TFCP2: variants seen among roughly 807,000 people sequenced by gnomAD.
The protein encoded by TFCP2 is transcription factor CP2.
TFCP2 carries 33 observed loss-of-function variants against 73.4 expected under a neutral mutation model. The observed-to-expected ratio is 0.45, with a 90% confidence interval of 0.34 to 0.60. The LOEUF is 0.60. TFCP2 is among the 20% of genes least tolerant of loss of function. The pLI is 0.01. For synonymous variants in TFCP2, 193 were observed against 211.6 expected (o/e 0.91, Z 0.76); for missense variants, 352 against 604.0 (o/e 0.58, Z 4.37).
At chr12:51,109,812 C>A (rs1021846890) in intron 5 of TFCP2, among the ~76,000 whole-genome samples, 1 of 151,628 alleles carries the variant, frequency 6.6e-6, no homozygotes, top group Non-Finnish European at 1.5e-5. Flanking sequence ...TCCACCTCCC[C>A]GGTTCAAGCA....
intron 14 of TFCP2, among the ~76,000 whole-genome samples, chr12:51,095,658 A>G (rs989492627): frequency 1.3e-5 from 2 of 151,902 alleles, no homozygotes; most frequent in African/African-American, 4.8e-5. Flanking sequence ...TACTAAAAAT[A>G]CAAAAATTAG....
rs1200776904 is a variant in TFCP2, at chr12:51,172,554, C to A, written c.-132G>T. ...TTCCCACGCAGTGCCCACCAGCCAC[C>A]CCCAAGCCCGACCAGCACTGCTCTG... On this transcript the variant is annotated 5_prime_UTR_variant, in exon 1 of 15. Coordinates refer to ENST00000257915, the MANE Select transcript of TFCP2 (RefSeq NM_005653.5). 2.2e-5 allele frequency: 27 copies of A among 1,242,692 alleles called. 1 individual carries two copies. In the South Asian group the frequency reaches 3.6e-4, roughly 16 times the overall value. 77.0% of individuals were successfully genotyped at this position (1,242,692 alleles called of 1,614,324 possible).
At chr12:51,167,483 C>A (rs1420541533) in intron 1 of TFCP2, among the ~76,000 whole-genome samples, 2 of 152,098 alleles carry the variant, frequency 1.3e-5, no homozygotes, top group Non-Finnish European at 2.9e-5. Flanking sequence ...ACCTCCGCCT[C>A]CCAGGTTTAA....
At chr12:51,103,471 T>C (rs1440803679) in intron 10 of TFCP2, among the ~76,000 whole-genome samples, 199 bp downstream of exon 10, 2 of 152,112 alleles carry the variant, frequency 1.3e-5, no homozygotes, top group Non-Finnish European at 2.9e-5. Context: ...CTAAAAAGTG[T>C]TTGTTTTTAA....
chr12:51,148,707 A>AAAAAG (rs1941352700), intron 1 of TFCP2, among the ~76,000 whole-genome samples: 1 of 149,312 alleles, frequency 6.7e-6, no homozygotes, highest in South Asian at 2.1e-4. Context: ...CTCAAAAAAA[A>AAAAAG]AAAAAAAAGA....
intron 1 of TFCP2, among the ~76,000 whole-genome samples, chr12:51,148,591 T>A (rs1280430909): frequency 6.6e-6 from 1 of 151,340 alleles, no homozygotes; most frequent in Non-Finnish European, 1.5e-5. Flanking sequence ...TCCAGGCTAC[T>A]TGGGAGGCTG....
intron 14 of TFCP2, 26 bp downstream of exon 14, chr12:51,095,963 G>T: frequency 6.2e-7 from 1 of 1,604,738 alleles, no homozygotes; most frequent in South Asian, 1.1e-5. Flanking sequence ...AAACTGCTTA[G>T]AGAAAGATGT....
chr12:51,122,092 G>T (rs1940690763), intron 1 of TFCP2, among the ~76,000 whole-genome samples: 1 of 151,696 alleles, frequency 6.6e-6, no homozygotes, highest in Non-Finnish European at 1.5e-5. Flanking sequence ...TTCACACACA[G>T]GTATAATACA....
At chr12:51,163,766 T>G (rs562134976) in intron 1 of TFCP2, among the ~76,000 whole-genome samples, 1 of 144,782 alleles carries the variant, frequency 6.9e-6, no homozygotes, top group East Asian at 2.1e-4. Flanking sequence ...CTACAAAAAA[T>G]AAAAATAAAA....
At chr12:51,129,836 G>GA (rs112522984) in intron 1 of TFCP2, among the ~76,000 whole-genome samples, 132,471 of 149,252 alleles carry the variant, frequency 0.89, 59,139 homozygotes, top group Non-Finnish European at 0.95. Flanking sequence ...TAAAACTGGG[G>GA]GAAAAAAAAA....
intron 4 of TFCP2, 33 bp from the exon 5 acceptor site, chr12:51,111,016 T>C (rs7978782): frequency 0.99 from 1,481,914 of 1,497,942 alleles, 734,331 homozygotes; most frequent in East Asian, 1. Flanking sequence ...TTGAACAATT[T>C]TGAGGGCCAC....
intron 1 of TFCP2, among the ~76,000 whole-genome samples, chr12:51,128,044 T>G (rs375365545): frequency 6.6e-6 from 1 of 151,944 alleles, no homozygotes; most frequent in East Asian, 1.9e-4. Context: ...CTCAGCCTCC[T>G]GAGTAGCTGG....
chr12:51,147,081 G>A (rs536559267), intron 1 of TFCP2, among the ~76,000 whole-genome samples: 35 of 152,304 alleles, frequency 2.3e-4, no homozygotes, highest in African/African-American at 7.5e-4. Flanking sequence ...AGTGGCTCAC[G>A]CCTGTAATCC....
intron 1 of TFCP2, 84 bp downstream of exon 1, chr12:51,172,217 C>A (rs753569006): frequency 3.2e-6 from 5 of 1,564,792 alleles, no homozygotes; most frequent in Middle Eastern, 1.7e-4. Context: ...ACTCTATACA[C>A]CTCCTTCCCA....
At chr12:51,124,889 A>G (rs750654751) in intron 1 of TFCP2, 27 of 1,103,948 alleles carry the variant, frequency 2.4e-5, no homozygotes, top group Non-Finnish European at 3.4e-5. Context: ...ACTCCTTTCC[A>G]AAGGTCAGAT....
At chr12:51,124,905 A>T in intron 1 of TFCP2, 1 of 950,462 alleles carries the variant, frequency 1.1e-6, no homozygotes, top group Middle Eastern at 2.2e-4. Flanking sequence ...CAGATATGTC[A>T]AGGACACGTC....
intron 1 of TFCP2, among the ~76,000 whole-genome samples, chr12:51,136,610 G>A (rs1038665189): frequency 6.6e-6 from 1 of 150,628 alleles, no homozygotes; most frequent in Non-Finnish European, 1.5e-5. Context: ...TTTCAAAGCA[G>A]GAACATGGAA....
At chr12:51,122,959 C>T (rs1184320644) in intron 1 of TFCP2, among the ~76,000 whole-genome samples, 1 of 152,140 alleles carries the variant, frequency 6.6e-6, no homozygotes, top group African/African-American at 2.4e-5. Context: ...TAAAGATTAC[C>T]AGATTTCAAG....
chr12:51,169,065 G>A lies in TFCP2; in HGVS notation c.122+3236C>T, dbSNP rs1451525155. 2.0e-5 allele frequency among the ~76,000 whole-genome samples: 3 copies of A among 151,834 alleles called. No individual in the cohort carries two copies. The East Asian group carries it at 5.9e-4, about 30-fold the overall frequency. On this transcript the variant is annotated intron_variant, in intron 1 of 14. Transcript: ENST00000257915. The stretch of plus-strand genomic sequence containing the variant: ...GATCCACCCACCTCAGTCTCCCAAA[G>A]TGTTTGGATTACAGGCGTGAGCCAC...
Sources: gnomAD v4.1 joint callset for allele counts (sites outside exome capture counted in the v4.1 genomes callset) on GRCh38, gnomAD v4.1.1 for gene constraint, MANE v1.5 for transcripts, NCBI Gene and HGNC (gene_info 2026-07-23, HGNC 2026-07-21) for gene names.